Variants in PHF3 observed in about 807,000 individuals in gnomAD.
PHF3 encodes PHD finger protein 3.
Under a neutral mutation model 178.4 loss-of-function variants are expected in PHF3, and 41 were observed. That is an observed-to-expected ratio of 0.23 (90% CI 0.18 to 0.30). PHF3 has a LOEUF of 0.30. Ranked by LOEUF, PHF3 falls within the 10% of genes least tolerant of loss-of-function variation. The pLI is 1.00. For missense variants in PHF3, 2,346 were observed against 2,398.1 expected, an observed-to-expected ratio of 0.98 and a Z score of 0.45; for synonymous variants, 842 against 800.5, an observed-to-expected ratio of 1.05 and a Z score of -0.88.
rs1448298345 is a variant in PHF3, at chr6:63,721,964, T to C, written c.*8256T>C. Among the ~76,000 whole-genome samples, 5 of 152,164 alleles carry C rather than the reference T, an allele frequency of 3.3e-5. No individual in the cohort carries two copies. Among genetic ancestry groups the C allele is most frequent in the African/African-American group, 1.2e-4 (5 of 41,450 alleles). Reference sequence around the variant, plus strand: ...TTCCACTCACAGAGCAAAATGCATATATCCTGTATTCTTTCATTTTGTTCA... The same window carrying C: ...TTCCACTCACAGAGCAAAATGCATACATCCTGTATTCTTTCATTTTGTTCA... On this transcript the variant is annotated 3_prime_UTR_variant, in exon 16 of 16. Transcript: ENST00000262043.
At chr6:63,647,945 C>G (rs1764859623) in intron 2 of PHF3, among the ~76,000 whole-genome samples, 1 of 151,948 alleles carries the variant, frequency 6.6e-6, no homozygotes, top group Non-Finnish European at 1.5e-5. Context: ...ACAGTTTGTT[C>G]AGCATATTTT....
At chr6:63,669,794 T>G (rs1354777187) in intron 2 of PHF3, among the ~76,000 whole-genome samples, 3 of 152,182 alleles carry the variant, frequency 2.0e-5, no homozygotes, top group Non-Finnish European at 4.4e-5. Flanking sequence ...ATTTACTGAC[T>G]TCTAAACCTA....
chr6:63,666,885 G>A (rs568850540), intron 2 of PHF3, among the ~76,000 whole-genome samples: 11 of 151,862 alleles, frequency 7.2e-5, no homozygotes, highest in Non-Finnish European at 1.3e-4. Context: ...CCAAGTAGCT[G>A]GGATTACAGG....
rs1374443931 is a variant in PHF3 at position 63,717,932 on chromosome 6, A to T, written c.*4224A>T. ...CCGTTTACATTCAACACTTTGAGAA[A>T]CCTCATACATTTATAGTAAAATCTT... On this transcript the variant is annotated 3_prime_UTR_variant, in exon 16 of 16. Coordinates refer to ENST00000262043, the MANE Select transcript of PHF3 (RefSeq NM_001370348.2). Among the ~76,000 whole-genome samples the T allele has an allele frequency of 6.6e-6, 1 of 151,996 alleles. No individual in the cohort carries two copies. The highest frequency in any genetic ancestry group is 1.9e-4 in the East Asian group (1 of 5,194).
intron 4 of PHF3, among the ~76,000 whole-genome samples, chr6:63,687,527 C>A (rs1260274005): frequency 6.6e-6 from 1 of 152,122 alleles, no homozygotes; most frequent in Non-Finnish European, 1.5e-5. Flanking sequence ...TTTAAACCAG[C>A]CTTTTTCTCT....
Position 63,684,285 on chromosome 6 carries a change from C to T in PHF3, c.563C>T (p.Ser188Leu). Residue 188 changes from serine (S) to leucine (L), a missense_variant, in exon 4 of 16, where the codon TCA becomes TTA. Transcript: ENST00000262043. ...RSQVKEEVCM[S>L]LKPEYHKENR... ...CAGGTTAAAGAAGAAGTATGTATGT[C>T]ACTGAAACCTGAGTACCATAAGGAG... The T allele has an allele frequency of 6.2e-7, 1 of 1,613,962 alleles. No individual in the cohort carries two copies. The highest frequency in any genetic ancestry group is 8.5e-7 in the Non-Finnish European group (1 of 1,179,890).
Position 63,724,423 on chromosome 6 carries a change from A to AT in PHF3, c.*10720dup, listed in dbSNP as rs1384343401. Among the ~76,000 whole-genome samples the AT allele has an allele frequency of 6.6e-6, 1 of 152,006 alleles. No individual in the cohort carries two copies. Among genetic ancestry groups the AT allele is most frequent in the Admixed American group, 6.6e-5 (1 of 15,264 alleles). ...AATGGTAATTTAAACTTATTTATAT[A>AT]TTTTTAATATAGTTTAATTATTTGA... On this transcript the variant is annotated 3_prime_UTR_variant, in exon 16 of 16. Transcript: ENST00000262043.
chr6:63,677,909 A>G (rs1482844069), intron 2 of PHF3, among the ~76,000 whole-genome samples: 1 of 152,186 alleles, frequency 6.6e-6, no homozygotes, highest in Non-Finnish European at 1.5e-5. Flanking sequence ...GGAGCATAGT[A>G]GACCTGTAAT....
intron 5 of PHF3, among the ~76,000 whole-genome samples, chr6:63,693,078 A>T (rs2149592817): frequency 6.6e-6 from 1 of 152,272 alleles, no homozygotes; most frequent in South Asian, 2.1e-4. Context: ...TGAAAATCAG[A>T]TTCTGTCCTT....
chr6:63,646,821 T>C (rs1293903584), intron 2 of PHF3, 26 bp downstream of exon 2: 1 of 1,347,742 alleles, frequency 7.4e-7, no homozygotes, highest in African/African-American at 1.5e-5. Context: ...TTTTTTTTTT[T>C]TTTTTTTAGT....
At chr6:63,648,626 A>G (rs1377421379) in intron 2 of PHF3, among the ~76,000 whole-genome samples, 1 of 152,200 alleles carries the variant, frequency 6.6e-6, no homozygotes, top group African/African-American at 2.4e-5. Flanking sequence ...TTTTGCTAAT[A>G]GAAGACTTAG....
intron 1 of PHF3, chr6:63,636,396 G>C (rs1764337257): frequency 1.3e-5 from 2 of 153,168 alleles, no homozygotes; most frequent in Non-Finnish European, 2.9e-5. Flanking sequence ...TCGCAGCGAC[G>C]CGGTCGCCAG....
chr6:63,649,809 A>AT (rs570890240), intron 2 of PHF3, among the ~76,000 whole-genome samples: 1 of 152,096 alleles, frequency 6.6e-6, no homozygotes, highest in Admixed American at 6.6e-5. Flanking sequence ...CCATTAATAT[A>AT]TTTTTTTAAC....
chr6:63,636,730 A>T (rs1048581013), intron 1 of PHF3: 1 of 152,210 alleles, frequency 6.6e-6, no homozygotes, highest in South Asian at 2.1e-4. Context: ...CCCGGGACTC[A>T]AACTGTGGAC....
chr6:63,677,713 A>G (rs1766231907), intron 2 of PHF3, among the ~76,000 whole-genome samples: 1 of 152,090 alleles, frequency 6.6e-6, no homozygotes, highest in South Asian at 2.1e-4. Flanking sequence ...GAAAAGTCAG[A>G]GAAAGTATAA....
Position 63,686,860 on chromosome 6 carries a change from A to G in PHF3, c.2189+949A>G, listed in dbSNP as rs191618421. ...AAAATGAAGCTCTTTAGGGAGGGACAATTTAGTAAAGTGTGTTGTAACATA... is the reference window on the plus strand; with the variant it reads ...AAAATGAAGCTCTTTAGGGAGGGACGATTTAGTAAAGTGTGTTGTAACATA... On this transcript the variant is annotated intron_variant, in intron 4 of 15. Transcript: ENST00000262043. 5.9e-5 allele frequency among the ~76,000 whole-genome samples: 9 copies of G among 152,306 alleles called. No individual in the cohort carries two copies. In the East Asian group the frequency reaches 1.7e-3, roughly 29 times the overall value.
At position 63,725,426 on chromosome 6, in the gene PHF3, T is replaced by A. The variant is rs1202648772; in HGVS notation, c.*11718T>A. On this transcript the variant is annotated 3_prime_UTR_variant, in exon 16 of 16. Transcript: ENST00000262043. ...TTGATTTTCTGCCCTCTTACATAGG[T>A]CCCACTTAACATTAATTTTGAGTTT... is the stretch of plus-strand genomic sequence containing the variant. Among the ~76,000 whole-genome samples, 2 of 152,130 alleles carry A rather than the reference T, an allele frequency of 1.3e-5. No individual in the cohort carries two copies. The highest frequency in any genetic ancestry group is 2.9e-5 in the Non-Finnish European group (2 of 67,970).
chr6:63,721,126 C>T lies in PHF3; in HGVS notation c.*7418C>T. ...AGGTTTCTCATTCTATAATTTGGATCAATGTATTTAATGTAAGAATTACCC... is the reference window on the plus strand; with the variant it reads ...AGGTTTCTCATTCTATAATTTGGATTAATGTATTTAATGTAAGAATTACCC... On this transcript the variant is annotated 3_prime_UTR_variant, in exon 16 of 16. Transcript: ENST00000262043. 1.3e-6 allele frequency: 2 copies of T among 1,551,364 alleles called. No homozygotes were observed. Among genetic ancestry groups the T allele is most frequent in the South Asian group, 2.4e-5 (2 of 84,022 alleles).
At chr6:63,647,509 T>C (rs549506224) in intron 2 of PHF3, among the ~76,000 whole-genome samples, 50 of 152,180 alleles carry the variant, frequency 3.3e-4, no homozygotes, top group Non-Finnish European at 5.9e-4. Context: ...TGAGGTGATA[T>C]TTTGGATATT....
Sources: allele counts gnomAD v4.1 joint callset (sites outside exome capture counted in the v4.1 genomes callset), GRCh38; gene constraint gnomAD v4.1.1; transcripts MANE v1.5; gene names NCBI Gene and HGNC (gene_info 2026-07-23, HGNC 2026-07-21).